IL1RL1: variants seen among roughly 807,000 people sequenced by gnomAD.
The protein encoded by IL1RL1 is interleukin-1 receptor-like 1.
IL1RL1 carries 32 observed loss-of-function variants against 50.9 expected under a neutral mutation model. That is an observed-to-expected ratio of 0.63 (90% CI 0.47 to 0.84). The LOEUF is 0.84. Among genes scored for constraint, IL1RL1 ranks in the 40% least tolerant of loss-of-function variants. The pLI is 0.00. For missense variants in IL1RL1, 773 were observed against 662.9 expected (o/e 1.17, Z -1.82); for synonymous variants, 275 against 236.0 (o/e 1.17, Z -1.51).
At chr2:102,314,709 A>G (rs953670040) in intron 1 of IL1RL1, among the ~76,000 whole-genome samples, 2 of 152,218 alleles carry the variant, frequency 1.3e-5, no homozygotes, top group African/African-American at 4.8e-5. Context: ...AAAAGAATTT[A>G]CTAAGACAGT....
Position 102,349,182 on chromosome 2 carries a change from T to G in IL1RL1, c.1221T>G (p.Asp407Glu). The G allele has an allele frequency of 6.2e-7, 1 of 1,613,824 alleles. No homozygotes were observed. Among genetic ancestry groups the G allele is most frequent in the South Asian group, 1.1e-5 (1 of 91,068 alleles). ...ACTTTGTTCACCAGATTCTGCCTGA[T>G]GTTCTTGAAAATAAATGTGGCTATA... Reference protein sequence around the residue: ...VEHFVHQILPDVLENKCGYTL... With the variant: ...VEHFVHQILPEVLENKCGYTL... The change falls in exon 10 of 11, where the codon GAT becomes GAG. Residue 407 changes from aspartate to glutamate, a missense_variant. Physicochemically the swap from Asp to Glu is conservative, Grantham distance 45 (BLOSUM62 2). Transcript: ENST00000233954.
At chr2:102,312,031 TATATTAAATATTATATA>T (rs1676527654) in intron 1 of IL1RL1, among the ~76,000 whole-genome samples, 5 of 62,394 alleles carry the variant, frequency 8.0e-5, no homozygotes, top group Non-Finnish European at 1.2e-4. Flanking sequence ...ATATATATTA[TATATTAAATATTATATA>T]TATAATATAT....
chr2:102,343,088 C>G lies in IL1RL1; in HGVS notation c.735C>G (p.Phe245Leu). The stretch of plus-strand genomic sequence containing the variant: ...CTTGTTTTGGAAAAGGCACTCAGTT[C>G]TTGGCTGCCGTCCTGTGGCAGCTTA... ...CSACFGKGTQFLAAVLWQLNG... is the reference protein window; with the variant it reads ...CSACFGKGTQLLAAVLWQLNG... The change falls in exon 7 of 11, where the codon TTC (phenylalanine) becomes TTG (leucine). Residue 245 changes from phenylalanine (F) to leucine (L), a missense_variant. Physicochemically the swap from Phe to Leu is conservative, Grantham distance 22. Transcript: ENST00000233954. 1 of 1,614,032 alleles carries G rather than the reference C, an allele frequency of 6.2e-7. No homozygotes were observed. The highest frequency in any genetic ancestry group is 8.5e-7 in the Non-Finnish European group (1 of 1,179,940).
chr2:102,329,227 A>C (rs1363009627), intron 1 of IL1RL1, among the ~76,000 whole-genome samples: 2 of 152,204 alleles, frequency 1.3e-5, no homozygotes, highest in Non-Finnish European at 2.9e-5. Flanking sequence ...TGACAAAAAC[A>C]AGAAATGGGG....
At chr2:102,350,692 C>G (rs1174130312) in intron 10 of IL1RL1, among the ~76,000 whole-genome samples, 1 of 152,224 alleles carries the variant, frequency 6.6e-6, no homozygotes, top group Non-Finnish European at 1.5e-5. Flanking sequence ...TGGGTTTGGC[C>G]AATGGGAGGC....
At chr2:102,352,046 T>A, downstream of IL1RL1, 1 of 1,005,286 alleles carries the variant, frequency 9.9e-7, no homozygotes, top group Non-Finnish European at 1.4e-6. Flanking sequence ...TCAGGTTTCA[T>A]CTGGTAACTT....
At position 102,349,167 on chromosome 2, in the gene IL1RL1, C is replaced by T. The variant is rs959732318; in HGVS notation, c.1206C>T (p.His402=). The stretch of plus-strand genomic sequence containing the variant: ...CCAGTCGTGTAGAGCACTTTGTTCA[C>T]CAGATTCTGCCTGATGTTCTTGAAA... The part of the protein sequence containing the change: ...DGASRVEHFV[H]QILPDVLENK... The change falls in exon 10 of 11, where the codon CAC becomes CAT. Residue 402 remains histidine, a synonymous_variant. Transcript: ENST00000233954. 3.7e-6 allele frequency: 6 copies of T among 1,613,376 alleles called. No homozygotes were observed. The highest frequency in any genetic ancestry group is 2.7e-5 in the African/African-American group (2 of 74,902).
intron 8 of IL1RL1, among the ~76,000 whole-genome samples, chr2:102,346,952 C>A (rs989015103): frequency 2.0e-5 from 3 of 152,208 alleles, no homozygotes; most frequent in Non-Finnish European, 4.4e-5. Flanking sequence ...CATGTTGCAT[C>A]TACATTTTGT....
At chr2:102,334,085 C>A (rs1026101807) in intron 1 of IL1RL1, among the ~76,000 whole-genome samples, 1 of 152,124 alleles carries the variant, frequency 6.6e-6, no homozygotes, top group African/African-American at 2.4e-5. Context: ...ACACTAATTT[C>A]TTTTCCTTAG....
At position 102,343,301 on chromosome 2, in the gene IL1RL1, G is replaced by T. The variant is rs766871179; in HGVS notation, c.856G>T (p.Val286Phe). The T allele has an allele frequency of 4.0e-5, 65 of 1,614,112 alleles. No homozygotes were observed. The highest frequency in any genetic ancestry group is 1.0e-4 in the Admixed American group (6 of 60,006). The change falls in exon 8 of 11, where the codon GTT (valine) becomes TTT (phenylalanine). Residue 286 changes from valine (V) to phenylalanine (F), a missense_variant. Val to Phe is a conservative substitution (Grantham distance 50). Transcript: ENST00000233954. ...CAATGGGCTGGCTTGTCTAGACATGGTTTTAAGAATAGCTGACGTGAAGGA... is the reference window on the plus strand; with the variant it reads ...CAATGGGCTGGCTTGTCTAGACATGTTTTTAAGAATAGCTGACGTGAAGGA... The part of the protein sequence containing the change: ...FSNGLACLDM[V>F]LRIADVKEED...
chr2:102,349,269 G>A (rs1677869239), intron 10 of IL1RL1, 23 bp downstream of exon 10: 2 of 1,603,880 alleles, frequency 1.2e-6, no homozygotes, highest in East Asian at 4.5e-5. Context: ...ACATACATTA[G>A]GGACAGAAAT....
At chr2:102,346,950 A>G (rs1278531986) in intron 8 of IL1RL1, among the ~76,000 whole-genome samples, 4 of 152,266 alleles carry the variant, frequency 2.6e-5, no homozygotes, top group African/African-American at 7.2e-5. Context: ...TGCATGTTGC[A>G]TCTACATTTT....
At position 102,340,193 on chromosome 2, in the gene IL1RL1, C is replaced by A; in HGVS notation, c.368C>A (p.Ser123Tyr). The change falls in exon 4 of 11, where the codon TCT (serine) becomes TAT (tyrosine). Residue 123 changes from serine (S) to tyrosine (Y), a missense_variant. Ser to Tyr is a moderately radical substitution (Grantham distance 144, BLOSUM62 -2). Transcript: ENST00000233954. ...VPDYLMYSTV[S>Y]GSEKNSKIYC... is the part of the protein sequence containing the mutation. ...GATTATTTGATGTATTCAACAGTAT[C>A]TGGATCAGAAAAAAATTCCAAAATT... The A allele has an allele frequency of 6.2e-7, 1 of 1,604,540 alleles. No individual in the cohort carries two copies. Among genetic ancestry groups the A allele is most frequent in the African/African-American group, 1.3e-5 (1 of 74,594 alleles).
chr2:102,344,790 A>G (rs1677719553), intron 8 of IL1RL1: 2 of 926,948 alleles, frequency 2.2e-6, no homozygotes, highest in South Asian at 1.0e-4. Context: ...TAATTATACA[A>G]CAAAATACTA....
intron 1 of IL1RL1, among the ~76,000 whole-genome samples, chr2:102,334,095 G>C (rs1677246528): frequency 6.6e-6 from 1 of 152,084 alleles, no homozygotes; most frequent in South Asian, 2.1e-4. Flanking sequence ...CTTTTCCTTA[G>C]AAAAGTAGTG....
chr2:102,314,699 A>G (rs917020245), intron 1 of IL1RL1, among the ~76,000 whole-genome samples: 1 of 152,236 alleles, frequency 6.6e-6, no homozygotes, highest in Non-Finnish European at 1.5e-5. Flanking sequence ...GTACAGGGGT[A>G]AAAGAATTTA....
intron 1 of IL1RL1, among the ~76,000 whole-genome samples, chr2:102,330,057 C>G (rs1401319424): frequency 6.6e-6 from 1 of 152,166 alleles, no homozygotes; most frequent in East Asian, 1.9e-4. Flanking sequence ...TATAGCGGCA[C>G]TATTCACAAT....
Position 102,340,131 on chromosome 2 carries a change from C to A in IL1RL1, c.306C>A (p.Val102=). Residue 102 remains valine, a synonymous_variant, in exon 4 of 11, where the codon GTC becomes GTA. Coordinates refer to ENST00000233954, the MANE Select transcript of IL1RL1 (RefSeq NM_016232.5). ...TCAATAGGACTGGATATGCGAATGT[C>A]ACCATATATAAAAAACAATCAGATT... ...PTFNRTGYAN[V]TIYKKQSDCN... is the part of the protein sequence containing the mutation. 1 of 1,579,336 alleles carries A rather than the reference C, an allele frequency of 6.3e-7. No individual in the cohort carries two copies.
intron 8 of IL1RL1, chr2:102,343,808 G>C (rs1677679268): frequency 9.3e-7 from 1 of 1,079,596 alleles, no homozygotes; most frequent in Non-Finnish European, 1.1e-6. Context: ...TGTAAGCATG[G>C]TCCGTTCTAT....
Sources: gnomAD v4.1 joint callset for allele counts (sites outside exome capture counted in the v4.1 genomes callset) on GRCh38, gnomAD v4.1.1 for gene constraint, MANE v1.5 for transcripts, NCBI Gene and HGNC (gene_info 2026-07-23, HGNC 2026-07-21) for gene names.